Variants in DPP6 observed in about 807,000 individuals in gnomAD.
DPP6 encodes A-type potassium channel modulatory protein DPP6.
Under a neutral mutation model 122.6 loss-of-function variants are expected in DPP6, and 69 were observed. The observed-to-expected ratio is 0.56, with a 90% CI of 0.46 to 0.69. The LOEUF (loss-of-function observed/expected upper bound fraction) is 0.69, where lower values mean the gene tolerates loss of function less well. DPP6 is among the 30% of genes least tolerant of loss of function. The probability of loss-of-function intolerance (pLI) is 0.00; values close to 1 mark genes in which losing one functional copy is unlikely to be tolerated. For synonymous variants in DPP6, 418 were observed against 433.1 expected (o/e 0.97, Z 0.43); for missense variants, 928 against 1,116.9 (o/e 0.83, Z 2.41).
intron 4 of DPP6, among the ~76,000 whole-genome samples, chr7:154,546,505 G>A (rs1586595232): frequency 7.0e-6 from 1 of 142,880 alleles, no homozygotes; most frequent in Non-Finnish European, 1.5e-5. Flanking sequence ...AAAAAAAAAA[G>A]TATTCTATTG....
At chr7:154,066,746 CA>C (rs965116147) in intron 1 of DPP6, among the ~76,000 whole-genome samples, 1 of 151,964 alleles carries the variant, frequency 6.6e-6, no homozygotes, top group Non-Finnish European at 1.5e-5. Context: ...TCATCTATGA[CA>C]AACTTTTACT....
chr7:154,096,063 G>A (rs1805300662), intron 1 of DPP6: 2 of 95,666 alleles, frequency 2.1e-5, no homozygotes, highest in Non-Finnish European at 4.2e-5. Context: ...GTGTGACATC[G>A]CCCCCGGTTT....
chr7:154,662,469 CG>C (rs1216980928), intron 6 of DPP6, among the ~76,000 whole-genome samples: 20 of 80,006 alleles, frequency 2.5e-4, no homozygotes, highest in East Asian at 8.8e-4. Flanking sequence ...GCGTATCAGC[CG>C]TAGTGTTCAT....
At chr7:154,452,951 G>C (rs1445918742) in intron 2 of DPP6, among the ~76,000 whole-genome samples, 1 of 152,196 alleles carries the variant, frequency 6.6e-6, no homozygotes, top group East Asian at 1.9e-4. Flanking sequence ...GCTGGTCCAT[G>C]CTCTTTTCTA....
intron 1 of DPP6, among the ~76,000 whole-genome samples, chr7:154,444,134 G>T (rs910569790): frequency 6.6e-6 from 1 of 152,176 alleles, no homozygotes; most frequent in African/African-American, 2.4e-5. Context: ...AAAATTAAAT[G>T]TGCATATAGA....
At chr7:154,145,590 C>T (rs1033708256) in intron 1 of DPP6, among the ~76,000 whole-genome samples, 3 of 144,812 alleles carry the variant, frequency 2.1e-5, no homozygotes, top group Non-Finnish European at 3.0e-5. Context: ...GTGAATGTGT[C>T]AGTGTTTACA....
intron 1 of DPP6, among the ~76,000 whole-genome samples, chr7:154,260,455 C>T (rs1802938274): frequency 6.6e-6 from 1 of 151,936 alleles, no homozygotes; most frequent in South Asian, 2.1e-4. Flanking sequence ...TCCACTCTTT[C>T]CTCCTGAGTC....
chr7:154,298,954 C>T (rs752516765), intron 1 of DPP6, among the ~76,000 whole-genome samples: 2 of 152,210 alleles, frequency 1.3e-5, no homozygotes, highest in Non-Finnish European at 2.9e-5. Context: ...CACACCAACT[C>T]GCCTTGGGTC....
At chr7:154,433,723 C>A (rs936020844) in intron 1 of DPP6, among the ~76,000 whole-genome samples, 1 of 152,220 alleles carries the variant, frequency 6.6e-6, no homozygotes, top group African/African-American at 2.4e-5. Flanking sequence ...TGTCCAAAAT[C>A]CTTTGGATTA....
rs554359044 is a variant in DPP6, at chr7:154,861,803, C to T, written c.1715-6192C>T. On this transcript the variant is annotated intron_variant, in intron 17 of 25. Coordinates refer to ENST00000377770, the MANE Select transcript of DPP6 (RefSeq NM_130797.4). Reference sequence around the variant, plus strand: ...TTTCCAGAGAAGACCTTGTCAGAAACGTGTGCGCTCCTGGTTTTTCCCTCC... The same window carrying T: ...TTTCCAGAGAAGACCTTGTCAGAAATGTGTGCGCTCCTGGTTTTTCCCTCC... Among the ~76,000 whole-genome samples the T allele has an allele frequency of 2.2e-3, 331 of 152,228 alleles. 2 individuals carry two copies. The highest frequency in any genetic ancestry group is 7.3e-3 in the African/African-American group (304 of 41,540).
intron 1 of DPP6, among the ~76,000 whole-genome samples, chr7:154,292,370 G>T (rs1208037593): frequency 6.6e-6 from 1 of 152,134 alleles, no homozygotes; most frequent in African/African-American, 2.4e-5. Context: ...TCTTTTCTGG[G>T]ATCTGGCTCA....
chr7:154,836,282 G>T (rs1380901095), intron 16 of DPP6, among the ~76,000 whole-genome samples: 1 of 152,240 alleles, frequency 6.6e-6, no homozygotes, highest in South Asian at 2.1e-4. Flanking sequence ...GCATTTGGTC[G>T]ACGTGTTTTC....
At chr7:154,301,590 C>T (rs1251046589) in intron 1 of DPP6, among the ~76,000 whole-genome samples, 1 of 152,096 alleles carries the variant, frequency 6.6e-6, no homozygotes, top group Non-Finnish European at 1.5e-5. Flanking sequence ...CGATAATGCC[C>T]AGGCAGATTT....
intron 1 of DPP6, among the ~76,000 whole-genome samples, chr7:154,265,501 C>T (rs993266922): frequency 2.0e-5 from 3 of 152,158 alleles, no homozygotes; most frequent in African/African-American, 7.2e-5. Flanking sequence ...TTAATACTCC[C>T]TTACATAATG....
chr7:154,018,217 G>GA (rs1798524664), intron 1 of DPP6, among the ~76,000 whole-genome samples: 2 of 151,642 alleles, frequency 1.3e-5, no homozygotes, highest in Admixed American at 6.6e-5. Flanking sequence ...TGCTTTCTTT[G>GA]GAATTGATCA....
Position 154,103,147 on chromosome 7 carries a change from G to T in DPP6, c.243+50084G>T, listed in dbSNP as rs962437050. Among the ~76,000 whole-genome samples the T allele has an allele frequency of 1.3e-3, 200 of 152,194 alleles. 1 individual carries two copies. Among genetic ancestry groups the T allele is most frequent in the Non-Finnish European group, 1.4e-3 (97 of 68,016 alleles). On this transcript the variant is annotated intron_variant, in intron 1 of 25. Coordinates refer to ENST00000377770, the MANE Select transcript of DPP6 (RefSeq NM_130797.4). ...GTGGGTGGGGATTGCAAAGGGGAAG[G>T]TTGCCCTGCTTAGCTCAAGGGGAGC... is the stretch of plus-strand genomic sequence containing the variant.
chr7:154,528,030 C>G (rs1306424151), intron 3 of DPP6, among the ~76,000 whole-genome samples: 1 of 151,660 alleles, frequency 6.6e-6, no homozygotes, highest in Non-Finnish European at 1.5e-5. Context: ...CTAGTCCTAG[C>G]TACCAATGCA....
chr7:154,474,996 A>C lies in DPP6; in HGVS notation c.416A>C (p.Glu139Ala). The part of the protein sequence containing the change: ...KKVTVEDLFS[E>A]DFKIHDPEAK... The stretch of plus-strand genomic sequence containing the variant: ...GTCACTGTAGAAGATCTCTTCAGTG[A>C]AGACTTCAAAATTCATGACCCCGAG... Residue 139 changes from glutamate (E) to alanine (A), a missense_variant, in exon 3 of 26, where the codon GAA (glutamate) becomes GCA (alanine). Transcript: ENST00000377770. 1 of 1,613,884 alleles carries C rather than the reference A, an allele frequency of 6.2e-7. No individual in the cohort carries two copies. Among genetic ancestry groups the C allele is most frequent in the Non-Finnish European group, 8.5e-7 (1 of 1,179,808 alleles).
At chr7:154,340,072 C>T (rs528647124) in intron 1 of DPP6, among the ~76,000 whole-genome samples, 4 of 151,322 alleles carry the variant, frequency 2.6e-5, no homozygotes, top group African/African-American at 4.9e-5. Context: ...GACTCCACCT[C>T]GCAAAGAAAA....
Sources: allele counts gnomAD v4.1 joint callset (sites outside exome capture counted in the v4.1 genomes callset), GRCh38; gene constraint gnomAD v4.1.1; transcripts MANE v1.5; gene names NCBI Gene and HGNC (gene_info 2026-07-23, HGNC 2026-07-21).